ASXL3: variants seen among roughly 807,000 people sequenced by gnomAD.
ASXL3 encodes putative Polycomb group protein ASXL3.
ASXL3 carries 34 observed loss-of-function variants against 170.6 expected under a neutral mutation model. That is an observed-to-expected ratio of 0.20 (90% CI 0.15 to 0.27). ASXL3 has a LOEUF of 0.27. ASXL3 is among the 10% of genes least tolerant of loss of function. The probability of loss-of-function intolerance (pLI) is 1.00; values close to 1 mark genes in which losing one functional copy is unlikely to be tolerated. For synonymous variants in ASXL3, 1,002 were observed against 989.1 expected (o/e 1.01, Z -0.24); for missense variants, 2,592 against 2,695.3 (o/e 0.96, Z 0.85).
intron 1 of ASXL3, among the ~76,000 whole-genome samples, chr18:33,585,726 T>G (rs1486368389): frequency 1.3e-5 from 2 of 152,354 alleles, no homozygotes; most frequent in Admixed American, 1.3e-4. Flanking sequence ...AGGCCTTAGC[T>G]TTGGAGGAAC....
At chr18:33,693,536 A>T (rs1941688) in intron 8 of ASXL3, among the ~76,000 whole-genome samples, 77,361 of 151,966 alleles carry the variant, frequency 0.51, 20,275 homozygotes, top group East Asian at 0.87. Context: ...TAGTGTATGT[A>T]AGTGTCTGCT....
chr18:33,578,665 T>C lies in ASXL3; in HGVS notation c.34T>C (p.Trp12Arg). Residue 12 changes from tryptophan to arginine, a missense_variant, in exon 1 of 12, where the codon TGG becomes CGG. Around this residue, in one of 4 missense-constraint regions of ASXL3, gnomAD observed 251 missense variants for 281.9 expected, o/e 0.89. Transcript: ENST00000269197. ...CAAGAGGAAGAAGAAGGACCGCACC[T>C]GGGCCGAGGCTGCCCGCCTGGTACG... ...KDKRKKKDRT[W>R]AEAARLALEK... The C allele has an allele frequency of 7.4e-7, 1 of 1,353,228 alleles. No homozygotes were observed. The highest frequency in any genetic ancestry group is 3.8e-5 in the East Asian group (1 of 26,034). The allele number at this position is 1,353,228 out of a possible 1,614,324, so 83.8% of individuals were successfully genotyped here.
intron 9 of ASXL3, 64 bp downstream of exon 9, chr18:33,732,128 C>T (rs1482718105): frequency 7.6e-7 from 1 of 1,319,414 alleles, no homozygotes; most frequent in Admixed American, 2.2e-5. Flanking sequence ...TGAGCTTGTA[C>T]CTTTCTCTGA....
At chr18:33,608,020 G>A (rs963915102) in intron 2 of ASXL3, among the ~76,000 whole-genome samples, 5 of 151,910 alleles carry the variant, frequency 3.3e-5, no homozygotes, top group Non-Finnish European at 5.9e-5. Flanking sequence ...GGTTTAATAG[G>A]TAGATCCTAG....
At chr18:33,580,298 ATGT>A (rs1199656602) in intron 1 of ASXL3, among the ~76,000 whole-genome samples, 2 of 152,180 alleles carry the variant, frequency 1.3e-5, no homozygotes, top group African/African-American at 4.8e-5. Context: ...TGCCAGATTG[ATGT>A]TGTCAATGAG....
rs1347850668 is a variant in ASXL3, at chr18:33,722,391, A to T, written c.880-9577A>T. 2.0e-5 allele frequency among the ~76,000 whole-genome samples: 3 copies of T among 152,298 alleles called. No individual in the cohort carries two copies. In the South Asian group the frequency reaches 6.2e-4, roughly 32 times the overall value. On this transcript the variant is annotated intron_variant, in intron 8 of 11. Transcript: ENST00000269197. Reference sequence around the variant, plus strand: ...TGAGGGTAATTAAAAGTGCTACTGCACTGAACACACAAATGATGAGAAAGT... The same window carrying T: ...TGAGGGTAATTAAAAGTGCTACTGCTCTGAACACACAAATGATGAGAAAGT...
At chr18:33,650,442 C>T (rs1019708113) in intron 4 of ASXL3, among the ~76,000 whole-genome samples, 15 of 151,976 alleles carry the variant, frequency 9.9e-5, no homozygotes, top group African/African-American at 3.1e-4. Flanking sequence ...CCAGAGGAAC[C>T]AGTGTCCTAG....
chr18:33,718,777 T>C (rs1568346861), intron 8 of ASXL3, among the ~76,000 whole-genome samples: 3 of 151,696 alleles, frequency 2.0e-5, no homozygotes, highest in Non-Finnish European at 4.4e-5. Flanking sequence ...TTATGTAATA[T>C]AAAAAAATCA....
intron 2 of ASXL3, among the ~76,000 whole-genome samples, chr18:33,622,231 T>A (rs1404806641): frequency 6.6e-6 from 1 of 152,166 alleles, no homozygotes; most frequent in Non-Finnish European, 1.5e-5. Flanking sequence ...TATCAAATGC[T>A]TTGTGTAATT....
At chr18:33,697,726 C>T (rs2066795161) in intron 8 of ASXL3, among the ~76,000 whole-genome samples, 1 of 151,990 alleles carries the variant, frequency 6.6e-6, no homozygotes, top group African/African-American at 2.4e-5. Context: ...GCTGATGGCC[C>T]AGCACAGTGA....
intron 8 of ASXL3, among the ~76,000 whole-genome samples, chr18:33,691,162 T>C (rs570327644): frequency 6.2e-4 from 94 of 152,290 alleles, no homozygotes; most frequent in Middle Eastern, 3.4e-3. Context: ...AAAAGTGAGA[T>C]TGAGCATCAT....
At chr18:33,599,584 A>G (rs547738064) in intron 1 of ASXL3, among the ~76,000 whole-genome samples, 2 of 152,328 alleles carry the variant, frequency 1.3e-5, no homozygotes, top group South Asian at 4.1e-4. Context: ...GGGGATTACA[A>G]AAGAACTTTG....
At chr18:33,712,304 T>TA (rs1000800767) in intron 8 of ASXL3, among the ~76,000 whole-genome samples, 1 of 152,084 alleles carries the variant, frequency 6.6e-6, no homozygotes, top group Non-Finnish European at 1.5e-5. Context: ...TTCTGTCATT[T>TA]AAAAAAAATT....
At chr18:33,645,443 C>T (rs752678766) in intron 3 of ASXL3, among the ~76,000 whole-genome samples, 1 of 151,678 alleles carries the variant, frequency 6.6e-6, no homozygotes, top group Admixed American at 6.6e-5. Flanking sequence ...ATCTAGTATT[C>T]AATTTTAAAA....
intron 8 of ASXL3, among the ~76,000 whole-genome samples, chr18:33,713,338 T>TC (rs1294772302): frequency 1.6e-5 from 1 of 62,864 alleles, no homozygotes; most frequent in African/African-American, 7.4e-5. Context: ...CACTGCAACC[T>TC]CCACCCCCCC....
rs1043749580 is a variant in ASXL3, at chr18:33,728,013, T to A, written c.880-3955T>A. Among the ~76,000 whole-genome samples, 4 of 152,188 alleles carry A rather than the reference T, an allele frequency of 2.6e-5. No homozygotes were observed. In the East Asian group the frequency reaches 7.7e-4, roughly 29 times the overall value. ...TTTCCATGTGCTGAGATCTCGAGAA[T>A]CTGTCAGAGCTAATCTGGATCTGGT... On this transcript the variant is annotated intron_variant, in intron 8 of 11. Coordinates refer to ENST00000269197, the MANE Select transcript of ASXL3 (RefSeq NM_030632.3).
At chr18:33,610,051 A>G (rs1166493022) in intron 2 of ASXL3, among the ~76,000 whole-genome samples, 1 of 151,970 alleles carries the variant, frequency 6.6e-6, no homozygotes, top group African/African-American at 2.4e-5. Context: ...GCTTTTGAGT[A>G]AGTTTAGGAC....
intron 4 of ASXL3, among the ~76,000 whole-genome samples, chr18:33,654,352 C>A (rs2145217462): frequency 6.6e-6 from 1 of 152,106 alleles, no homozygotes; most frequent in South Asian, 2.1e-4. Context: ...TAGATATGAA[C>A]AAAACACTCA....
intron 2 of ASXL3, chr18:33,609,005 C>G: frequency 3.0e-6 from 3 of 984,288 alleles, no homozygotes; most frequent in Non-Finnish European, 3.6e-6. Context: ...GAGAAATAGC[C>G]TAAGATAATA....
Sources: allele counts gnomAD v4.1 joint callset (sites outside exome capture counted in the v4.1 genomes callset), GRCh38; gene constraint gnomAD v4.1.1; regional missense constraint gnomAD v4.1.1; transcripts MANE v1.5; gene names NCBI Gene and HGNC (gene_info 2026-07-23, HGNC 2026-07-21).